Variants in MAP2K5 observed in about 807,000 individuals in gnomAD.
MAP2K5 encodes dual specificity mitogen-activated protein kinase kinase 5.
A neutral mutation model predicts 83.1 loss-of-function variants in MAP2K5; 49 were observed. The ratio of observed to expected loss-of-function variants is 0.59; its 90% confidence interval spans 0.47 to 0.75. MAP2K5 has a LOEUF of 0.75. Ranked by LOEUF, MAP2K5 falls within the 30% of genes least tolerant of loss-of-function variation. The pLI, the probability that MAP2K5 is intolerant of heterozygous loss-of-function variation, is 0.00. For missense variants in MAP2K5, 457 were observed against 557.5 expected (o/e 0.82, Z 1.82); for synonymous variants, 202 against 191.8 (o/e 1.05, Z -0.44).
At position 67,719,076 on chromosome 15, in the gene MAP2K5, G is replaced by T. The variant is rs920900851; in HGVS notation, c.1045-8840G>T. Reference sequence around the variant, plus strand: ...TGCCAACTACCCTTCCCAGCCTCTGGTAACCATCATTCTACTGTCTATCTC... The same window carrying T: ...TGCCAACTACCCTTCCCAGCCTCTGTTAACCATCATTCTACTGTCTATCTC... On this transcript the variant is annotated intron_variant, in intron 16 of 21. Coordinates refer to ENST00000178640, the MANE Select transcript of MAP2K5 (RefSeq NM_145160.3). The surrounding 1 kb of genome is among the most constrained non-coding windows in gnomAD (Gnocchi z 4.6). Among the ~76,000 whole-genome samples the T allele has an allele frequency of 6.6e-6, 1 of 151,984 alleles. No individual in the cohort carries two copies. Among genetic ancestry groups the T allele is most frequent in the Non-Finnish European group, 1.5e-5 (1 of 67,986 alleles).
intron 16 of MAP2K5, among the ~76,000 whole-genome samples, chr15:67,704,300 G>A (rs2088498233): frequency 6.6e-6 from 1 of 152,020 alleles, no homozygotes; most frequent in Non-Finnish European, 1.5e-5. Flanking sequence ...ATATTGCCTG[G>A]GCTGGTCTTG....
At position 67,543,356 on chromosome 15, in the gene MAP2K5, C is replaced by A. The variant is rs760368375; in HGVS notation, c.21C>A (p.Gly7=). ...CTGTAATGCTGTGGCTAGCCCTTGG[C>A]CCCTTTCCTGCCATGGAGAACCAGG... is the stretch of plus-strand genomic sequence containing the variant. MLWLAL[G]PFPAMENQVL... is the part of the protein sequence containing the mutation. The change falls in exon 1 of 22, where the codon GGC becomes GGA. Residue 7 remains glycine, a synonymous_variant. Transcript: ENST00000178640. This position sits in a 1 kb window ranked among gnomAD's most constrained non-coding sequence, Gnocchi z 4.3. The A allele has an allele frequency of 6.2e-7, 1 of 1,614,236 alleles. No homozygotes were observed. The highest frequency in any genetic ancestry group is 8.5e-7 in the Non-Finnish European group (1 of 1,180,046).
chr15:67,806,230 G>A (rs770170963), intron 21 of MAP2K5, among the ~76,000 whole-genome samples: 17 of 152,258 alleles, frequency 1.1e-4, no homozygotes, highest in Non-Finnish European at 1.9e-4. Flanking sequence ...CTGACGAGAT[G>A]ATTCTTTGGT....
At chr15:67,590,276 A>G (rs572392015) in intron 6 of MAP2K5, among the ~76,000 whole-genome samples, 1 of 152,304 alleles carries the variant, frequency 6.6e-6, no homozygotes, top group African/African-American at 2.4e-5. Context: ...AATGTGATCA[A>G]ACTTGAAGTC....
Position 67,645,000 on chromosome 15 carries a change from T to C in MAP2K5, c.586-1231T>C, listed in dbSNP as rs2141116531. ...CCATCTCTACTAAAAATACAAAAAT[T>C]AGCCAGGTGTGGTGGCAGACACCTG... On this transcript the variant is annotated intron_variant, in intron 9 of 21. Coordinates refer to ENST00000178640, the MANE Select transcript of MAP2K5 (RefSeq NM_145160.3). The surrounding 1 kb of genome is among the most constrained non-coding windows in gnomAD (Gnocchi z 4.6). 6.6e-6 allele frequency among the ~76,000 whole-genome samples: 1 copy of C among 150,604 alleles called. No homozygotes were observed. Among genetic ancestry groups the C allele is most frequent in the South Asian group, 2.1e-4 (1 of 4,742 alleles).
chr15:67,686,708 A>G (rs1361116085), intron 13 of MAP2K5, among the ~76,000 whole-genome samples: 2 of 152,146 alleles, frequency 1.3e-5, no homozygotes, highest in Non-Finnish European at 2.9e-5. Context: ...AAAACCACTC[A>G]GTGATTTACC....
At chr15:67,590,446 C>CCTCTCTCTCTCTCTCTCTCTCT (rs57701485) in intron 6 of MAP2K5, among the ~76,000 whole-genome samples, 1 of 30,542 alleles carries the variant, frequency 3.3e-5, no homozygotes, top group African/African-American at 1.2e-4. Context: ...TCCCTCCCTC[C>CCTCTCTCTCTCTCTCTCTCTCT]CTCTCTCTCT....
intron 11 of MAP2K5, among the ~76,000 whole-genome samples, chr15:67,656,943 G>A (rs1283129900): frequency 2.6e-5 from 4 of 152,116 alleles, no homozygotes; most frequent in African/African-American, 4.8e-5. Context: ...AAACTTAACA[G>A]GAACTCTTAA....
chr15:67,772,215 A>AT (rs1451624259), intron 20 of MAP2K5, among the ~76,000 whole-genome samples: 1 of 152,168 alleles, frequency 6.6e-6, no homozygotes, highest in Non-Finnish European at 1.5e-5. Flanking sequence ...GACCTGTTTT[A>AT]TATACTTCTT....
Position 67,543,268 on chromosome 15 carries a change from G to A in MAP2K5, c.-68G>A. ...CCCGTCACTCCCCTTGTCACCTCTT[G>A]GAGCCCCCTCCTAACCAGCGGCCAG... On this transcript the variant is annotated 5_prime_UTR_variant, in exon 1 of 22. Transcript: ENST00000178640. This position sits in a 1 kb window ranked among gnomAD's most constrained non-coding sequence, Gnocchi z 4.3. 6.4e-7 allele frequency: 1 copy of A among 1,563,314 alleles called. No individual in the cohort carries two copies. The highest frequency in any genetic ancestry group is 8.8e-7 in the Non-Finnish European group (1 of 1,137,562).
chr15:67,709,456 G>A (rs895324470), intron 16 of MAP2K5, among the ~76,000 whole-genome samples: 2 of 140,330 alleles, frequency 1.4e-5, no homozygotes, highest in African/African-American at 5.4e-5. Flanking sequence ...TAACCTTGTA[G>A]TCTCTGTTCA....
In MAP2K5 at chr15:67,552,764, G is replaced by C. The variant is rs1382069136; in HGVS notation, c.184+2682G>C. On this transcript the variant is annotated intron_variant, in intron 2 of 21. Coordinates refer to ENST00000178640, the MANE Select transcript of MAP2K5 (RefSeq NM_145160.3). The surrounding 1 kb of genome is among the most constrained non-coding windows in gnomAD (Gnocchi z 4.2). ...TACTTAAAAGGACATTATTAGCTCT[G>C]TTTTTTGGTTGAGGAAAGGAAATCT... Among the ~76,000 whole-genome samples, 1 of 152,104 alleles carries C rather than the reference G, an allele frequency of 6.6e-6. No homozygotes were observed. The highest frequency in any genetic ancestry group is 1.5e-5 in the Non-Finnish European group (1 of 68,008).
At chr15:67,706,107 C>A (rs1326543556) in intron 16 of MAP2K5, among the ~76,000 whole-genome samples, 1 of 152,006 alleles carries the variant, frequency 6.6e-6, no homozygotes, top group Non-Finnish European at 1.5e-5. Context: ...ACAGGGAGAT[C>A]CGTTTAAGTA....
In MAP2K5 at chr15:67,690,142, C is replaced by T. The variant is rs533535719; in HGVS notation, c.848-2337C>T. Among the ~76,000 whole-genome samples the T allele has an allele frequency of 6.6e-6, 1 of 152,158 alleles. No individual in the cohort carries two copies. Among genetic ancestry groups the T allele is most frequent in the East Asian group, 1.9e-4 (1 of 5,192 alleles). On this transcript the variant is annotated intron_variant, in intron 13 of 21. Transcript: ENST00000178640. This position sits in a 1 kb window ranked among gnomAD's most constrained non-coding sequence, Gnocchi z 4.3. ...ATTGTACACCCCTAGTTTAGGACAT[C>T]AATATGTAAAAGAACAAATTGTCCA... is the stretch of plus-strand genomic sequence containing the variant.
intron 11 of MAP2K5, among the ~76,000 whole-genome samples, chr15:67,651,270 G>T (rs1349657363): frequency 6.6e-6 from 1 of 152,106 alleles, no homozygotes; most frequent in Non-Finnish European, 1.5e-5. Context: ...CATATTTATG[G>T]AGTACATGCA....
intron 16 of MAP2K5, among the ~76,000 whole-genome samples, chr15:67,712,681 G>T (rs140138070): frequency 0.012 from 1,785 of 152,266 alleles, 20 homozygotes; most frequent in Non-Finnish European, 0.016. Flanking sequence ...CACTTTAGGA[G>T]GCCGAGGCAG....
At chr15:67,642,392 C>T in intron 9 of MAP2K5, 7 of 1,589,480 alleles carry the variant, frequency 4.4e-6, no homozygotes, top group Non-Finnish European at 6.0e-6. Context: ...CATAGCCACT[C>T]TAATCTTGAG....
In MAP2K5 at chr15:67,786,732, C is replaced by A. The variant is rs908395891; in HGVS notation, c.1242+13980C>A. ...GTCCATCCTGCAACATGTTACTGAACGCTCTCCACCTCTAGTTGCTTATCT... is the reference window on the plus strand; with the variant it reads ...GTCCATCCTGCAACATGTTACTGAAAGCTCTCCACCTCTAGTTGCTTATCT... On this transcript the variant is annotated intron_variant, in intron 21 of 21. Coordinates refer to ENST00000178640, the MANE Select transcript of MAP2K5 (RefSeq NM_145160.3). This position sits in a 1 kb window ranked among gnomAD's most constrained non-coding sequence, Gnocchi z 4.7. Among the ~76,000 whole-genome samples, 1 of 152,220 alleles carries A rather than the reference C, an allele frequency of 6.6e-6. No individual in the cohort carries two copies. Among genetic ancestry groups the A allele is most frequent in the Non-Finnish European group, 1.5e-5 (1 of 68,042 alleles).
intron 3 of MAP2K5, among the ~76,000 whole-genome samples, chr15:67,569,465 G>A (rs2084908340): frequency 6.6e-6 from 1 of 152,240 alleles, no homozygotes; most frequent in Non-Finnish European, 1.5e-5. Flanking sequence ...CAAGCTGTAA[G>A]TAAGGTTTTT....
Sources: gnomAD v4.1 joint callset for allele counts (sites outside exome capture counted in the v4.1 genomes callset) on GRCh38, gnomAD v4.1.1 for gene constraint, Gnocchi (gnomAD v3.1) non-coding constraint, MANE v1.5 for transcripts, NCBI Gene and HGNC (gene_info 2026-07-23, HGNC 2026-07-21) for gene names.